Variants in MED13 observed in about 807,000 individuals in gnomAD.
MED13 encodes mediator of RNA polymerase II transcription subunit 13.
MED13 carries 23 observed loss-of-function variants against 225.2 expected under a neutral mutation model. The observed-to-expected ratio is 0.10, with a 90% CI of 0.07 to 0.14. MED13 has a LOEUF of 0.14. Among genes scored for constraint, MED13 ranks in the 10% least tolerant of loss-of-function variants. The pLI is 1.00. For missense variants in MED13, 2,197 were observed against 2,594.5 expected (o/e 0.85, Z 3.33); for synonymous variants, 942 against 889.2 (o/e 1.06, Z -1.06).
At chr17:61,954,592 C>T (rs1254887545) in intron 26 of MED13, among the ~76,000 whole-genome samples, 1 of 152,118 alleles carries the variant, frequency 6.6e-6, no homozygotes, top group African/African-American at 2.4e-5. Context: ...GCCTGGCCAA[C>T]ATGGTGAAAC....
chr17:62,043,156 C>CAAAAAAAAAAAAAAAAAAAAAAA (rs764530614), intron 3 of MED13, among the ~76,000 whole-genome samples: 1 of 31,668 alleles, frequency 3.2e-5, no homozygotes, highest in Non-Finnish European at 5.6e-5. Flanking sequence ...ACCCTGTCTC[C>CAAAAAAAAAAAAAAAAAAAAAAA]AAAAAAAAAA....
At chr17:62,060,479 G>C (rs2081029790) in intron 2 of MED13, among the ~76,000 whole-genome samples, 1 of 151,552 alleles carries the variant, frequency 6.6e-6, no homozygotes, top group Admixed American at 6.6e-5. Flanking sequence ...AATTAGCCGG[G>C]CGTGGTGGTG....
At position 61,960,256 on chromosome 17, in the gene MED13, T is replaced by C. The variant is rs114673313; in HGVS notation, c.5480+611A>G. On this transcript the variant is annotated intron_variant, in intron 23 of 29. Coordinates refer to ENST00000397786, the MANE Select transcript of MED13 (RefSeq NM_005121.3). Reference sequence around the variant, plus strand: ...AAGAATTCTAAAATGGTCATCATATTCTGAAGACAACCAAACTTTTTTTTT... The same window carrying C: ...AAGAATTCTAAAATGGTCATCATATCCTGAAGACAACCAAACTTTTTTTTT... Among the ~76,000 whole-genome samples the C allele has an allele frequency of 5.8e-3, 876 of 152,238 alleles. 11 individuals are homozygous for C. Among genetic ancestry groups the C allele is most frequent in the African/African-American group, 0.021 (855 of 41,528 alleles).
chr17:62,025,846 ATCTC>A (rs2080696276), intron 8 of MED13, among the ~76,000 whole-genome samples: 1 of 152,168 alleles, frequency 6.6e-6, no homozygotes, highest in South Asian at 2.1e-4. Flanking sequence ...TTTTATTCCA[ATCTC>A]TCTAACAGAG....
rs776244970 is a variant in MED13, at chr17:62,010,781, A to G, written c.1736T>C (p.Ile579Thr). 5.0e-6 allele frequency: 8 copies of G among 1,614,088 alleles called. No individual in the cohort carries two copies. Among genetic ancestry groups the G allele is most frequent in the Non-Finnish European group, 6.8e-6 (8 of 1,180,032 alleles). The change falls in exon 9 of 30, where the codon ATA becomes ACA. Residue 579 changes from isoleucine (I) to threonine (T), a missense_variant. Coordinates refer to ENST00000397786, the MANE Select transcript of MED13 (RefSeq NM_005121.3). ...TGGGAAAGACTGGGACAAACTGTCT[A>G]TCCTATCTTCCATTGGTTTAGAAGG... ...LVPSKPMEDR[I>T]DSLSQSFPPQ... is the part of the protein sequence containing the mutation.
At chr17:62,042,591 C>G (rs1485946373) in intron 3 of MED13, among the ~76,000 whole-genome samples, 1 of 149,754 alleles carries the variant, frequency 6.7e-6, no homozygotes, top group Non-Finnish European at 1.5e-5. Flanking sequence ...CCAAAAAAAC[C>G]CCACAAAACT....
intron 8 of MED13, among the ~76,000 whole-genome samples, chr17:62,013,647 TTTA>T: frequency 6.6e-6 from 1 of 152,162 alleles, no homozygotes; most frequent in Non-Finnish European, 1.5e-5. Flanking sequence ...CATTTAACAT[TTTA>T]CTGAACGTTT....
chr17:62,017,960 G>A (rs2143625314), intron 8 of MED13, among the ~76,000 whole-genome samples: 1 of 152,284 alleles, frequency 6.6e-6, no homozygotes. Context: ...CAAAGGACTG[G>A]TAGATAAACT....
chr17:62,019,879 G>C (rs1368131354), intron 8 of MED13, among the ~76,000 whole-genome samples: 1 of 151,810 alleles, frequency 6.6e-6, no homozygotes, highest in Non-Finnish European at 1.5e-5. Context: ...GAGTAGCTGG[G>C]ACTATAGGCG....
chr17:62,052,779 G>A, intron 2 of MED13, 74 bp from the exon 3 acceptor site: 2 of 1,112,640 alleles, frequency 1.8e-6, no homozygotes, highest in Non-Finnish European at 2.5e-6. Context: ...AAAGGTTACA[G>A]TTTAAACTCT....
At chr17:61,999,942 T>C (rs1422452639) in intron 9 of MED13, among the ~76,000 whole-genome samples, 1 of 152,122 alleles carries the variant, frequency 6.6e-6, no homozygotes, top group Non-Finnish European at 1.5e-5. Flanking sequence ...TATTGTCACA[T>C]GTCTGTAGTC....
In MED13 at chr17:61,984,338, A is replaced by G. The variant is rs1238350613; in HGVS notation, c.2721T>C (p.Asn907=). The G allele has an allele frequency of 6.3e-7, 1 of 1,597,088 alleles. No individual in the cohort carries two copies. Among genetic ancestry groups the G allele is most frequent in the Admixed American group, 1.8e-5 (1 of 55,482 alleles). Residue 907 remains asparagine (N), a synonymous_variant, in exon 15 of 30, where the codon AAT becomes AAC. Coordinates refer to ENST00000397786, the MANE Select transcript of MED13 (RefSeq NM_005121.3). ...TGGAACATCCCACTAGAATTTGACA[A>G]TTTTCAGGCTTATAGACATAAGAAA... is the stretch of plus-strand genomic sequence containing the variant. ...KDFSYVYKPE[N]CQILVGCSMF... is the part of the protein sequence containing the mutation.
At position 62,054,033 on chromosome 17, in the gene MED13, G is replaced by A. The variant is rs550994320; in HGVS notation, c.302-1328C>T. On this transcript the variant is annotated intron_variant, in intron 2 of 29. Transcript: ENST00000397786. ...ATTTTAAATAAGCTTTAGGCTGGGCGCAGTTACTCACGCCTGTAATCCTAG... is the reference window on the plus strand; with the variant it reads ...ATTTTAAATAAGCTTTAGGCTGGGCACAGTTACTCACGCCTGTAATCCTAG... Among the ~76,000 whole-genome samples the A allele has an allele frequency of 7.1e-4, 108 of 152,146 alleles. 1 individual carries two copies. The highest frequency in any genetic ancestry group is 2.5e-3 in the African/African-American group (104 of 41,504).
At chr17:61,947,539 C>A (rs566551649) in intron 28 of MED13, among the ~76,000 whole-genome samples, 225 of 152,222 alleles carry the variant, frequency 1.5e-3, no homozygotes, top group Non-Finnish European at 2.9e-3. Flanking sequence ...ATATATGACA[C>A]CCTTTATGAC....
chr17:61,950,311 C>T (rs2143285475), intron 28 of MED13, among the ~76,000 whole-genome samples: 1 of 151,760 alleles, frequency 6.6e-6, no homozygotes, highest in South Asian at 2.1e-4. Context: ...GATACTCAAT[C>T]TACACTAACA....
At chr17:62,027,693 A>C (rs1258989309) in intron 8 of MED13, among the ~76,000 whole-genome samples, 1 of 152,198 alleles carries the variant, frequency 6.6e-6, no homozygotes, top group African/African-American at 2.4e-5. Flanking sequence ...ACAAATGTCT[A>C]ATATCCAGTA....
intron 28 of MED13, 82 bp downstream of exon 28, chr17:61,950,743 C>T: frequency 7.1e-7 from 1 of 1,401,702 alleles, no homozygotes; most frequent in Non-Finnish European, 9.7e-7. Flanking sequence ...AGCTATAAGA[C>T]TTAAAAAAGC....
intron 11 of MED13, among the ~76,000 whole-genome samples, chr17:61,988,159 C>T (rs1041578169): frequency 5.3e-5 from 8 of 152,068 alleles, no homozygotes; most frequent in Non-Finnish European, 8.8e-5. Flanking sequence ...GTATGACCCT[C>T]GACAAATTAC....
At chr17:62,002,694 C>A (rs910957138) in intron 9 of MED13, among the ~76,000 whole-genome samples, 1 of 151,956 alleles carries the variant, frequency 6.6e-6, no homozygotes, top group Non-Finnish European at 1.5e-5. Context: ...CAACAAAATC[C>A]TTTTCACTAT....
Sources: gnomAD v4.1 joint callset for allele counts (sites outside exome capture counted in the v4.1 genomes callset) on GRCh38, gnomAD v4.1.1 for gene constraint, MANE v1.5 for transcripts, NCBI Gene and HGNC (gene_info 2026-07-23, HGNC 2026-07-21) for gene names.